LSAMP: variants seen among roughly 807,000 people sequenced by gnomAD.
LSAMP encodes limbic system associated membrane protein.
Under a neutral mutation model 38.6 loss-of-function variants are expected in LSAMP, and 7 were observed. The observed-to-expected ratio is 0.18, with a 90% CI of 0.10 to 0.34. The LOEUF is 0.34. Ranked by LOEUF, LSAMP falls within the 10% of genes least tolerant of loss-of-function variation. The pLI is 1.00. For synonymous variants in LSAMP, 154 were observed against 166.8 expected, an observed-to-expected ratio of 0.92 and a Z score of 0.59; for missense variants, 313 against 420.0, an observed-to-expected ratio of 0.75 and a Z score of 2.23.
In LSAMP at chr3:115,805,286, G is replaced by A. The variant is rs2107436458; in HGVS notation, c.*5031C>T. The A allele has an allele frequency of 6.6e-6, 1 of 152,158 alleles. No individual in the cohort carries two copies. The highest frequency in any genetic ancestry group is 2.4e-5 in the African/African-American group (1 of 41,524). The allele number at this position is 152,158 out of a possible 1,614,324, so 9.4% of individuals were successfully genotyped here. On this transcript the variant is annotated 3_prime_UTR_variant, in exon 7 of 7. Transcript: ENST00000490035. Reference sequence around the variant, plus strand: ...ATATAAACCTTGAACTGTTCCTGTGGGTCTGCTTCCTTTGGCTAAGGCAAC... The same window carrying A: ...ATATAAACCTTGAACTGTTCCTGTGAGTCTGCTTCCTTTGGCTAAGGCAAC...
rs562508130 is a variant in LSAMP at position 116,201,426 on chromosome 3, C to T, written c.156-114870G>A. Reference sequence around the variant, plus strand: ...TCTTTTTATAAAATTAAATTGATATCTCTTTGGAAGAGTCATGGATAGTCA... The same window carrying T: ...TCTTTTTATAAAATTAAATTGATATTTCTTTGGAAGAGTCATGGATAGTCA... On this transcript the variant is annotated intron_variant, in intron 1 of 6. Transcript: ENST00000490035. Among the ~76,000 whole-genome samples, 5 of 152,272 alleles carry T rather than the reference C, an allele frequency of 3.3e-5. No homozygotes were observed. In the East Asian group the frequency reaches 9.7e-4, roughly 29 times the overall value.
At position 116,430,936 on chromosome 3, in the gene LSAMP, C is replaced by CT. The variant is rs149469405; in HGVS notation, c.155+13940dup. Among the ~76,000 whole-genome samples the CT allele has an allele frequency of 6.8e-3, 1,034 of 151,530 alleles. 12 individuals are homozygous for CT. Among genetic ancestry groups the CT allele is most frequent in the African/African-American group, 0.023 (962 of 41,434 alleles). The stretch of plus-strand genomic sequence containing the variant: ...TTCTTTCTTTCTGTTTTTCATCTTC[C>CT]TTTCTTCTTTTTTGAATGAGATTTG... On this transcript the variant is annotated intron_variant, in intron 1 of 6. Coordinates refer to ENST00000490035, the MANE Select transcript of LSAMP (RefSeq NM_002338.5).
At chr3:116,406,967 T>C (rs528352398) in intron 1 of LSAMP, among the ~76,000 whole-genome samples, 1 of 152,078 alleles carries the variant, frequency 6.6e-6, no homozygotes, top group Non-Finnish European at 1.5e-5. Flanking sequence ...ATGGCTCTTT[T>C]TAGTAATTCT....
intron 3 of LSAMP, among the ~76,000 whole-genome samples, chr3:115,898,228 G>T (rs905888843): frequency 6.6e-6 from 1 of 152,040 alleles, no homozygotes; most frequent in African/African-American, 2.4e-5. Context: ...AGGAAACACT[G>T]GATTTAAAAA....
intron 1 of LSAMP, among the ~76,000 whole-genome samples, chr3:116,175,986 G>C (rs531441391): frequency 6.6e-6 from 1 of 152,250 alleles, no homozygotes; most frequent in South Asian, 2.1e-4. Context: ...TAAAAATTAA[G>C]AAGTAGAGGA....
intron 1 of LSAMP, among the ~76,000 whole-genome samples, chr3:116,354,992 G>T (rs2048202666): frequency 6.6e-6 from 1 of 151,918 alleles, no homozygotes; most frequent in Non-Finnish European, 1.5e-5. Flanking sequence ...GATGCTGTTT[G>T]TTTATTACAT....
intron 1 of LSAMP, among the ~76,000 whole-genome samples, chr3:116,395,044 A>G (rs1376458733): frequency 1.3e-5 from 2 of 152,026 alleles, no homozygotes; most frequent in Non-Finnish European, 2.9e-5. Context: ...CCCCTTTGCA[A>G]CCACTGTTCC....
intron 1 of LSAMP, among the ~76,000 whole-genome samples, chr3:116,374,717 A>ATTTATTGATGTATTTTTGGTG (rs2048472080): frequency 6.6e-6 from 1 of 151,902 alleles, no homozygotes; most frequent in South Asian, 2.1e-4. Context: ...TATAACTGTC[A>ATTTATTGATGTATTTTTGGTG]CTATTTCATT....
chr3:116,433,334 C>T, intron 1 of LSAMP, among the ~76,000 whole-genome samples: 1 of 152,128 alleles, frequency 6.6e-6, no homozygotes, highest in Admixed American at 6.5e-5. Context: ...TATAGAGATT[C>T]AATATAGAGA....
At chr3:116,063,692 T>C (rs1274883842) in intron 2 of LSAMP, among the ~76,000 whole-genome samples, 1 of 152,124 alleles carries the variant, frequency 6.6e-6, no homozygotes, top group African/African-American at 2.4e-5. Flanking sequence ...ACAAAGATTA[T>C]TAGAAATTAT....
chr3:115,858,609 C>G (rs192296406), intron 3 of LSAMP, among the ~76,000 whole-genome samples: 1 of 152,104 alleles, frequency 6.6e-6, no homozygotes, highest in Admixed American at 6.5e-5. Context: ...TTTTACTCAC[C>G]TACGTTTGAA....
chr3:116,194,504 C>T (rs552606714), intron 1 of LSAMP, among the ~76,000 whole-genome samples: 5 of 152,298 alleles, frequency 3.3e-5, no homozygotes, highest in South Asian at 4.1e-4. Flanking sequence ...ACGCCATTCT[C>T]CTGCCTCAGC....
At chr3:115,939,393 G>C (rs1937818210) in intron 3 of LSAMP, among the ~76,000 whole-genome samples, 1 of 152,052 alleles carries the variant, frequency 6.6e-6, no homozygotes, top group African/African-American at 2.4e-5. Flanking sequence ...GTTTACTTCT[G>C]TTTAAAAAAC....
intron 2 of LSAMP, among the ~76,000 whole-genome samples, chr3:116,036,033 C>T (rs148530047): frequency 3.3e-5 from 5 of 152,284 alleles, no homozygotes; most frequent in South Asian, 2.1e-4. Flanking sequence ...ATAGCTGCTA[C>T]GTAACAGAGG....
chr3:116,292,014 T>A (rs2047272983), intron 1 of LSAMP, among the ~76,000 whole-genome samples: 1 of 152,162 alleles, frequency 6.6e-6, no homozygotes, highest in African/African-American at 2.4e-5. Context: ...CACTCAGCAA[T>A]CATCAACATA....
At chr3:115,877,575 G>A (rs967148988) in intron 3 of LSAMP, among the ~76,000 whole-genome samples, 2 of 147,954 alleles carry the variant, frequency 1.4e-5, no homozygotes, top group East Asian at 3.9e-4. Context: ...CAAGAGCACG[G>A]GCCCAGAGTG....
chr3:115,991,173 C>T (rs969096802), intron 3 of LSAMP, among the ~76,000 whole-genome samples: 1 of 152,000 alleles, frequency 6.6e-6, no homozygotes, highest in African/African-American at 2.4e-5. Flanking sequence ...AAATACAGAG[C>T]TTTTTCATCT....
chr3:115,828,339 T>C (rs985009677), intron 6 of LSAMP, among the ~76,000 whole-genome samples: 1 of 152,060 alleles, frequency 6.6e-6, no homozygotes, highest in African/African-American at 2.4e-5. Context: ...TTTGCTGTTG[T>C]TTTTTGTTTG....
chr3:116,226,270 TCTC>T (rs1258859645), intron 1 of LSAMP, among the ~76,000 whole-genome samples: 1 of 152,200 alleles, frequency 6.6e-6, no homozygotes, highest in Non-Finnish European at 1.5e-5. Flanking sequence ...CAGATAATAG[TCTC>T]CTCAGCTTCT....
Sources: gnomAD v4.1 joint callset for allele counts (sites outside exome capture counted in the v4.1 genomes callset) on GRCh38, gnomAD v4.1.1 for gene constraint, MANE v1.5 for transcripts, NCBI Gene and HGNC (gene_info 2026-07-23, HGNC 2026-07-21) for gene names.